Variants in DMD observed in about 807,000 individuals in gnomAD.
DMD encodes the protein dystrophin.
A neutral mutation model predicts 330.1 loss-of-function variants in DMD; 63 were observed. That is an observed-to-expected ratio of 0.19 (90% CI 0.16 to 0.24). The LOEUF (loss-of-function observed/expected upper bound fraction) is 0.24, where lower values mean the gene tolerates loss of function less well. Among genes scored for constraint, DMD ranks in the 10% least tolerant of loss-of-function variants. The pLI, the probability that DMD is intolerant of heterozygous loss-of-function variation, is 1.00. For missense variants in DMD, 3,344 were observed against 2,684.1 expected, an observed-to-expected ratio of 1.25 and a Z score of -5.43; for synonymous variants, 1,223 against 959.8, an observed-to-expected ratio of 1.27 and a Z score of -5.07.
Position 33,234,927 on chromosome X carries a change from T to C in DMD, c.7+104332A>G, listed in dbSNP as rs1413696087. Among the ~76,000 whole-genome samples the C allele has an allele frequency of 2.7e-5, 3 of 112,040 alleles. No homozygotes were observed. The East Asian group carries it at 8.5e-4, about 32-fold the overall frequency. The stretch of plus-strand genomic sequence containing the variant: ...TGGATTTACTGGACAATTGTCCATT[T>C]ACTGGACAATGGCTCTTCCTAGTGT... On this transcript the variant is annotated intron_variant, in intron 1 of 17. Coordinates refer to the DMD transcript ENST00000288447.
intron 2 of DMD, among the ~76,000 whole-genome samples, chrX:32,949,969 A>ATAAACATCCAGTGTAAAGGTGCAGCGGC (rs1261205682): frequency 9.2e-6 from 1 of 108,318 alleles, no homozygotes; most frequent in Non-Finnish European, 1.9e-5. Flanking sequence ...CAGAGGCAAA[A>ATAAACATCCAGTGTAAAGGTGCAGCGGC]AAAAAAAAAA....
chrX:32,561,050 A>G (rs2050943039), intron 16 of DMD, among the ~76,000 whole-genome samples: 2 of 111,787 alleles, frequency 1.8e-5, no homozygotes, highest in Admixed American at 1.9e-4. Context: ...TCCCACCAAC[A>G]GTGTAAAAGC....
At chrX:31,691,735 G>A (rs775370418) in intron 52 of DMD, among the ~76,000 whole-genome samples, 89 of 111,890 alleles carry the variant, frequency 8.0e-4, no homozygotes, top group Non-Finnish European at 1.4e-3. Flanking sequence ...TTCATCAAGA[G>A]GACATAACAA....
chrX:33,142,545 G>A (rs772962531), intron 1 of DMD, among the ~76,000 whole-genome samples: 9 of 112,145 alleles, frequency 8.0e-5, no homozygotes, highest in East Asian at 5.6e-4. Context: ...TTTTAATTGC[G>A]TAATTGACTA....
In DMD at chrX:33,275,891, C is replaced by T. The variant is rs746674706; in HGVS notation, c.7+63368G>A. Among the ~76,000 whole-genome samples, 8 of 111,463 alleles carry T rather than the reference C, an allele frequency of 7.2e-5. No individual in the cohort carries two copies. In the South Asian group the frequency reaches 2.6e-3, roughly 36 times the overall value. On this transcript the variant is annotated intron_variant, in intron 1 of 17. Transcript: ENST00000288447. ...ATGCATGCATCTCTGTGTATGTTTA[C>T]GTACATATACATATCATTTGCACTC...
At chrX:32,542,193 G>A (rs1255537532) in intron 17 of DMD, among the ~76,000 whole-genome samples, 1 of 111,654 alleles carries the variant, frequency 9.0e-6, no homozygotes, top group Non-Finnish European at 1.9e-5. Context: ...CACTTTGGGA[G>A]GCTGAAGTGG....
At chrX:31,774,338 A>T in intron 50 of DMD, 146 bp from the exon 51 acceptor site, 1 of 457,467 alleles carries the variant, frequency 2.2e-6, no homozygotes, top group Non-Finnish European at 3.8e-6. Context: ...ATGACATTAT[A>T]TATCTTTTTC....
At chrX:31,352,750 G>A (rs980814962) in intron 60 of DMD, among the ~76,000 whole-genome samples, 9 of 112,224 alleles carry the variant, frequency 8.0e-5, no homozygotes, top group Non-Finnish European at 1.7e-4. Context: ...GTTTTGTGTG[G>A]ATTGAATGCA....
At chrX:31,401,998 C>T (rs898043282) in intron 60 of DMD, among the ~76,000 whole-genome samples, 1 of 111,555 alleles carries the variant, frequency 9.0e-6, no homozygotes, top group Non-Finnish European at 1.9e-5. Flanking sequence ...CAACGAGCCT[C>T]TGGGTTGGTT....
At chrX:32,494,832 G>A (rs893153321) in intron 19 of DMD, among the ~76,000 whole-genome samples, 3 of 110,550 alleles carry the variant, frequency 2.7e-5, no homozygotes, top group African/African-American at 6.6e-5. Flanking sequence ...GACTAATATG[G>A]GATATAGAAG....
intron 9 of DMD, among the ~76,000 whole-genome samples, chrX:32,650,008 T>C (rs779143366): frequency 2.2e-4 from 25 of 111,197 alleles, no homozygotes; most frequent in Non-Finnish European, 4.3e-4. Context: ...AAATGATAAA[T>C]GATTTTTATG....
At chrX:33,242,781 T>A (rs2052607144) in intron 1 of DMD, among the ~76,000 whole-genome samples, 1 of 111,788 alleles carries the variant, frequency 8.9e-6, no homozygotes, top group Non-Finnish European at 1.9e-5. Context: ...TTTTTGATTA[T>A]GGCCATTCTT....
intron 11 of DMD, among the ~76,000 whole-genome samples, chrX:32,636,184 C>G (rs895265599): frequency 8.9e-6 from 1 of 112,236 alleles, no homozygotes; most frequent in African/African-American, 3.2e-5. Context: ...ACAGCACCTT[C>G]TTTCCCAACA....
chrX:32,394,920 A>ACAAAAAAAAAAAAAAC (rs375583538), intron 30 of DMD, among the ~76,000 whole-genome samples: 1 of 60,419 alleles, frequency 1.7e-5, no homozygotes, highest in Non-Finnish European at 3.2e-5. Context: ...AAAAAACAAA[A>ACAAAAAAAAAAAAAAC]AAAAAAAAAA....
At chrX:32,616,575 G>A (rs1480668133) in intron 11 of DMD, among the ~76,000 whole-genome samples, 2 of 109,513 alleles carry the variant, frequency 1.8e-5, no homozygotes, top group Non-Finnish European at 3.8e-5. Flanking sequence ...TTTAGAGCGA[G>A]ACCGTGGAGT....
intron 27 of DMD, 62 bp from the exon 28 acceptor site, chrX:32,441,376 G>T (rs762761357): frequency 5.5e-4 from 607 of 1,098,766 alleles, no homozygotes; most frequent in Non-Finnish European, 6.9e-4. Context: ...GTGAAATTTT[G>T]CCATTTCATT....
At chrX:33,311,909 G>T (rs970214364) in intron 1 of DMD, among the ~76,000 whole-genome samples, 6 of 109,547 alleles carry the variant, frequency 5.5e-5, no homozygotes, top group Non-Finnish European at 1.1e-4. Flanking sequence ...GCAAGAAAAA[G>T]AATTTTCAAG....
intron 2 of DMD, among the ~76,000 whole-genome samples, chrX:32,879,131 C>T (rs17341093): frequency 9.0e-6 from 1 of 111,161 alleles, no homozygotes; most frequent in African/African-American, 3.3e-5. Flanking sequence ...ATTCCTGCAT[C>T]TGTTACCGTT....
chrX:32,411,703 T>C lies in DMD; in HGVS notation c.4233+49A>G, dbSNP rs772054802. On this transcript the variant is annotated intron_variant, in intron 30 of 78. Transcript: ENST00000357033. The stretch of plus-strand genomic sequence containing the variant: ...AGTTAGAAACACTGCAACATTTTGT[T>C]GAAGTAATAAAAACAAAAGAATGGA... The C allele has an allele frequency of 5.1e-6, 6 of 1,183,792 alleles. No individual in the cohort carries two copies. The Admixed American group carries it at 1.3e-4, about 26-fold the overall frequency.
Sources: allele counts gnomAD v4.1 joint callset (sites outside exome capture counted in the v4.1 genomes callset), GRCh38; gene constraint gnomAD v4.1.1; transcripts MANE v1.5; gene names NCBI Gene and HGNC (gene_info 2026-07-23, HGNC 2026-07-21).